Variants in SMTNL2 observed in about 807,000 individuals in gnomAD.
The protein encoded by SMTNL2 is smoothelin like 2.
A neutral mutation model predicts 44.1 loss-of-function variants in SMTNL2; 43 were observed. The observed-to-expected ratio is 0.98, with a 90% CI of 0.76 to 1.26. The LOEUF is 1.26. SMTNL2 is among the 50% of genes most tolerant of loss of function. SMTNL2 has a pLI of 0.00. For synonymous variants in SMTNL2, 317 were observed against 287.6 expected, an observed-to-expected ratio of 1.10 and a Z score of -1.03; for missense variants, 646 against 670.2, an observed-to-expected ratio of 0.96 and a Z score of 0.40.
chr17:4,596,973 A>T lies in SMTNL2; in HGVS notation c.1103A>T (p.Tyr368Phe), dbSNP rs1383226945. 1 of 1,508,904 alleles carries T rather than the reference A, an allele frequency of 6.6e-7. No homozygotes were observed. Among genetic ancestry groups the T allele is most frequent in the Non-Finnish European group, 8.9e-7 (1 of 1,121,852 alleles). The allele number at this position is 1,508,904 out of a possible 1,614,324, so 93.5% of individuals were successfully genotyped here. ...TGGTGCCGCAGCAAGACGCTGGGCT[A>T]CCAGGTGAGCCCCGGCTCCCCTCCG... is the stretch of plus-strand genomic sequence containing the variant. ...LEWCRSKTLG[Y>F]QHVDLQNFSS... The change falls in exon 6 of 8, where the codon TAC (tyrosine) becomes TTC (phenylalanine). Residue 368 changes from tyrosine to phenylalanine, a missense_variant. Coordinates refer to ENST00000389313, the MANE Select transcript of SMTNL2 (RefSeq NM_001114974.2).
At chr17:4,590,714 T>C (rs1197004253) in intron 1 of SMTNL2, among the ~76,000 whole-genome samples, 2 of 152,106 alleles carry the variant, frequency 1.3e-5, no homozygotes, top group Admixed American at 1.3e-4. Context: ...GAGTCCTTCT[T>C]GCCCGTGGCC....
Position 4,595,027 on chromosome 17 carries a change from G to A in SMTNL2, c.807-118G>A, listed in dbSNP as rs1909747272. The A allele has an allele frequency of 1.5e-6, 2 of 1,366,082 alleles. No homozygotes were observed. The highest frequency in any genetic ancestry group is 2.0e-6 in the Non-Finnish European group (2 of 976,444). The allele number at this position is 1,366,082 out of a possible 1,614,324, so 84.6% of individuals were successfully genotyped here. A position where few individuals can be genotyped will look rare whatever the true frequency, so the allele number is the denominator to read the frequency against. ...ACCGGAGCAAGGGGGCCTCTTCTCT[G>A]AGCGCCCATCACGGTGCAGGCTGCC... On this transcript the variant is annotated intron_variant, in intron 4 of 7. Transcript: ENST00000389313. This position sits in a 1 kb window ranked among gnomAD's most constrained non-coding sequence, Gnocchi z 5.1.
intron 7 of SMTNL2, among the ~76,000 whole-genome samples, chr17:4,605,822 G>A: frequency 6.6e-6 from 1 of 152,172 alleles, no homozygotes; most frequent in East Asian, 1.9e-4. Context: ...GGTGCCCAGG[G>A]GACCCAGGCA....
chr17:4,600,049 G>A lies in SMTNL2; in HGVS notation c.1259+2726G>A, dbSNP rs868206793. 4.6e-5 allele frequency among the ~76,000 whole-genome samples: 7 copies of A among 152,306 alleles called. No homozygotes were observed. Among genetic ancestry groups the A allele is most frequent in the Non-Finnish European group, 7.4e-5 (5 of 68,024 alleles). On this transcript the variant is annotated intron_variant, in intron 7 of 7. Coordinates refer to ENST00000389313, the MANE Select transcript of SMTNL2 (RefSeq NM_001114974.2). The surrounding 1 kb of genome is among the most constrained non-coding windows in gnomAD (Gnocchi z 4.7). ...GTCCACCGCAGGCCTGTGCCGGGGG[G>A]TCGGGGGAGTTTGCTCAGAGCCTGG...
intron 7 of SMTNL2, 40 bp downstream of exon 7, chr17:4,597,363 A>G (rs765728310): frequency 2.5e-6 from 4 of 1,603,468 alleles, no homozygotes; most frequent in Non-Finnish European, 3.4e-6. Flanking sequence ...GCCCCAGCCC[A>G]GTCCCTGAGC....
intron 4 of SMTNL2, 119 bp downstream of exon 4, chr17:4,594,016 G>A (rs1597412383): frequency 2.0e-6 from 2 of 1,015,170 alleles, no homozygotes; most frequent in East Asian, 2.5e-5. Flanking sequence ...CTCGGGGCTG[G>A]ATCTCGGGAG....
chr17:4,592,595 G>A lies in SMTNL2; in HGVS notation c.487+147G>A. The A allele has an allele frequency of 1.3e-6, 1 of 747,596 alleles. No homozygotes were observed. The highest frequency in any genetic ancestry group is 2.1e-6 in the Non-Finnish European group (1 of 469,174). 46.3% of individuals were successfully genotyped at this position (747,596 alleles called of 1,614,324 possible). A position where few individuals can be genotyped will look rare whatever the true frequency, so the allele number is the denominator to read the frequency against. The stretch of plus-strand genomic sequence containing the variant: ...AGCAGGGAGAGAGGCTGCCAGGAGA[G>A]CAGCGTCATTCAGTAGAACTTGTGA... On this transcript the variant is annotated intron_variant, in intron 2 of 7. Coordinates refer to ENST00000389313, the MANE Select transcript of SMTNL2 (RefSeq NM_001114974.2). This position sits in a 1 kb window ranked among gnomAD's most constrained non-coding sequence, Gnocchi z 4.5.
chr17:4,597,128 T>C (rs373428977), intron 6 of SMTNL2, 44 bp from the exon 7 acceptor site: 76 of 1,592,920 alleles, frequency 4.8e-5, no homozygotes, highest in Non-Finnish European at 6.2e-5. Flanking sequence ...TCCGAGTGGG[T>C]GCCCAGCTGC....
In SMTNL2 at chr17:4,596,991, C is replaced by A; in HGVS notation, c.1107+14C>A. The A allele has an allele frequency of 6.7e-7, 1 of 1,489,218 alleles. No individual in the cohort carries two copies. Among genetic ancestry groups the A allele is most frequent in the Non-Finnish European group, 9.0e-7 (1 of 1,113,186 alleles). 92.3% of individuals were successfully genotyped at this position (1,489,218 alleles called of 1,614,324 possible). ...CTGGGCTACCAGGTGAGCCCCGGCTCCCCTCCGGCTGCTGGGACGCCCCAG... is the reference window on the plus strand; with the variant it reads ...CTGGGCTACCAGGTGAGCCCCGGCTACCCTCCGGCTGCTGGGACGCCCCAG... On this transcript the variant is annotated intron_variant, in intron 6 of 7. Transcript: ENST00000389313.
At chr17:4,594,998 A>G in intron 4 of SMTNL2, 147 bp from the exon 5 acceptor site, 5 of 1,051,708 alleles carry the variant, frequency 4.8e-6, no homozygotes, top group Non-Finnish European at 6.9e-6. Flanking sequence ...CAAACCAGCT[A>G]GGGACCGGAG....
chr17:4,606,164 C>A (rs1318238513), intron 7 of SMTNL2, among the ~76,000 whole-genome samples: 1 of 152,056 alleles, frequency 6.6e-6, no homozygotes, highest in East Asian at 1.9e-4. Context: ...GCTCTGCCCC[C>A]AGGCTGGAGT....
At chr17:4,599,483 G>A (rs1170243367) in intron 7 of SMTNL2, among the ~76,000 whole-genome samples, 1 of 152,064 alleles carries the variant, frequency 6.6e-6, no homozygotes, top group Non-Finnish European at 1.5e-5. Flanking sequence ...CAGCGGCAAG[G>A]TCACTCCAGC....
chr17:4,604,606 A>C (rs1354279300), intron 7 of SMTNL2, among the ~76,000 whole-genome samples: 1 of 152,114 alleles, frequency 6.6e-6, no homozygotes, highest in Non-Finnish European at 1.5e-5. Context: ...AAGATGCATA[A>C]AGACACATTG....
chr17:4,601,460 T>C (rs555695135), intron 7 of SMTNL2, among the ~76,000 whole-genome samples: 9 of 152,276 alleles, frequency 5.9e-5, no homozygotes, highest in Admixed American at 5.2e-4. Flanking sequence ...GTTCTTGCTA[T>C]GGAATGGCAT....
intron 5 of SMTNL2, among the ~76,000 whole-genome samples, chr17:4,596,107 C>T (rs1909798807): frequency 8.3e-6 from 1 of 119,964 alleles, no homozygotes; most frequent in South Asian, 2.8e-4. Context: ...AGGGTGTGGC[C>T]CAAGCGTGGT....
intron 5 of SMTNL2, among the ~76,000 whole-genome samples, chr17:4,596,310 G>A (rs1039210402): frequency 1.6e-4 from 24 of 152,206 alleles, no homozygotes; most frequent in African/African-American, 4.1e-4. Flanking sequence ...GTCCCTGCTC[G>A]ACTCTAGTGA....
At chr17:4,599,641 G>A (rs958652752) in intron 7 of SMTNL2, among the ~76,000 whole-genome samples, 1 of 152,234 alleles carries the variant, frequency 6.6e-6, no homozygotes, top group Non-Finnish European at 1.5e-5. Context: ...GCTAGGCTGT[G>A]GCAGGGAGAG....
Position 4,598,178 on chromosome 17 carries a change from G to A in SMTNL2, c.1259+855G>A, listed in dbSNP as rs1278141904. 6.6e-6 allele frequency among the ~76,000 whole-genome samples: 1 copy of A among 152,168 alleles called. No individual in the cohort carries two copies. Among genetic ancestry groups the A allele is most frequent in the East Asian group, 1.9e-4 (1 of 5,180 alleles). On this transcript the variant is annotated intron_variant, in intron 7 of 7. Coordinates refer to ENST00000389313, the MANE Select transcript of SMTNL2 (RefSeq NM_001114974.2). The surrounding 1 kb of genome is among the most constrained non-coding windows in gnomAD (Gnocchi z 4.8). ...TTGGGCAAATGGTTGCAGTCAGCTC[G>A]CTGCGACCTGGCAGGGAGGGAGCTG...
rs372983498 is a variant in SMTNL2 at position 4,588,394 on chromosome 17, C to A, written c.399+3390C>A. Among the ~76,000 whole-genome samples, 10 of 152,370 alleles carry A rather than the reference C, an allele frequency of 6.6e-5. No individual in the cohort carries two copies. The East Asian group carries it at 1.3e-3, about 21-fold the overall frequency. On this transcript the variant is annotated intron_variant, in intron 1 of 7. Coordinates refer to ENST00000389313, the MANE Select transcript of SMTNL2 (RefSeq NM_001114974.2). The stretch of plus-strand genomic sequence containing the variant: ...TGGGCTCCCTCATGGGGCACCTCCC[C>A]TTTCTCAAAACAAAGCCGAGCTGGG...
Sources: allele counts gnomAD v4.1 joint callset (sites outside exome capture counted in the v4.1 genomes callset), GRCh38; gene constraint gnomAD v4.1.1; non-coding constraint Gnocchi (gnomAD v3.1); transcripts MANE v1.5; gene names NCBI Gene and HGNC (gene_info 2026-07-23, HGNC 2026-07-21).